The following FAF1 variants were observed in gnomAD, a reference collection of about 807,000 sequenced individuals.
The protein encoded by FAF1 is FAS-associated factor 1.
A neutral mutation model predicts 92.5 loss-of-function variants in FAF1; 25 were observed. The ratio of observed to expected loss-of-function variants is 0.27; its 90% CI spans 0.20 to 0.38. The LOEUF (loss-of-function observed/expected upper bound fraction) is 0.38, where lower values mean the gene tolerates loss of function less well. Ranked by LOEUF, FAF1 falls within the 10% of genes least tolerant of loss-of-function variation. The pLI is 1.00. For missense variants in FAF1, 636 were observed against 793.3 expected, an observed-to-expected ratio of 0.80 and a Z score of 2.38; for synonymous variants, 234 against 273.2, an observed-to-expected ratio of 0.86 and a Z score of 1.42.
Position 50,568,547 on chromosome 1 carries a change from C to T in FAF1, c.1114-1316G>A, listed in dbSNP as rs1039094648. ...AGGTAGATTAAGATTCTAAAAGCAT[C>T]TACTATGAATAGGAGACACTGTTAC... On this transcript the variant is annotated intron_variant, in intron 12 of 18. Transcript: ENST00000396153. Among the ~76,000 whole-genome samples the T allele has an allele frequency of 4.6e-5, 7 of 152,100 alleles. 1 individual carries two copies. In the East Asian group the frequency reaches 1.3e-3, roughly 29 times the overall value.
chr1:50,831,451 T>C (rs939096322), intron 2 of FAF1, among the ~76,000 whole-genome samples: 1 of 152,180 alleles, frequency 6.6e-6, no homozygotes, highest in African/African-American at 2.4e-5. Context: ...GATACTGGTG[T>C]CTACATCTGC....
At chr1:50,459,287 T>C (rs1196437126) in intron 18 of FAF1, among the ~76,000 whole-genome samples, 1 of 152,106 alleles carries the variant, frequency 6.6e-6, no homozygotes, top group Non-Finnish European at 1.5e-5. Flanking sequence ...AACTCAGTCT[T>C]TTAACTACTA....
intron 1 of FAF1, among the ~76,000 whole-genome samples, chr1:50,933,165 C>T (rs910972283): frequency 5.9e-5 from 9 of 152,180 alleles, no homozygotes; most frequent in Non-Finnish European, 1.2e-4. Flanking sequence ...CTCCTTGCTA[C>T]TTATGCAAAT....
chr1:50,884,334 C>T (rs1644638968), intron 1 of FAF1, among the ~76,000 whole-genome samples: 1 of 150,616 alleles, frequency 6.6e-6, no homozygotes, highest in Non-Finnish European at 1.5e-5. Flanking sequence ...GGCCAACAGG[C>T]GAAACCCTGC....
At chr1:50,925,034 C>T (rs375844089) in intron 1 of FAF1, among the ~76,000 whole-genome samples, 1 of 152,092 alleles carries the variant, frequency 6.6e-6, no homozygotes, top group Non-Finnish European at 1.5e-5. Flanking sequence ...AACAGAGAAC[C>T]TTGAAATTAA....
chr1:50,567,750 T>A (rs1246535102), intron 12 of FAF1, among the ~76,000 whole-genome samples: 1 of 152,114 alleles, frequency 6.6e-6, no homozygotes, highest in Non-Finnish European at 1.5e-5. Context: ...CTATAGATAA[T>A]TTTAAAGTCC....
intron 1 of FAF1, among the ~76,000 whole-genome samples, chr1:50,948,461 T>C (rs933720584): frequency 3.3e-5 from 5 of 151,968 alleles, no homozygotes; most frequent in African/African-American, 9.7e-5. Context: ...GACTATCACA[T>C]GGCAAGAGAG....
At chr1:50,497,507 T>C (rs1646913069) in intron 15 of FAF1, among the ~76,000 whole-genome samples, 2 of 149,658 alleles carry the variant, frequency 1.3e-5, no homozygotes, top group African/African-American at 4.9e-5. Flanking sequence ...GGGAGCTTCA[T>C]AGGTAAATTA....
At chr1:50,680,271 C>T (rs1656360440) in intron 7 of FAF1, among the ~76,000 whole-genome samples, 1 of 152,058 alleles carries the variant, frequency 6.6e-6, no homozygotes, top group Non-Finnish European at 1.5e-5. Context: ...CCCTGCTATA[C>T]CTTAAATAAG....
At chr1:50,595,171 T>C (rs1220312966) in intron 9 of FAF1, among the ~76,000 whole-genome samples, 1 of 151,832 alleles carries the variant, frequency 6.6e-6, no homozygotes, top group Non-Finnish European at 1.5e-5. Flanking sequence ...TCTCCTGCCT[T>C]AGCCTCCTGC....
intron 15 of FAF1, among the ~76,000 whole-genome samples, chr1:50,497,139 A>T (rs1572785884): frequency 6.6e-6 from 1 of 152,114 alleles, no homozygotes; most frequent in East Asian, 1.9e-4. Context: ...TTAATAATAA[A>T]AAAAAATCTG....
intron 15 of FAF1, among the ~76,000 whole-genome samples, chr1:50,501,486 C>G (rs570021221): frequency 1.3e-5 from 2 of 152,052 alleles, no homozygotes; most frequent in African/African-American, 4.8e-5. Flanking sequence ...ATGGTGAAAC[C>G]CTGTCTCTAC....
chr1:50,951,034 C>T (rs774783593), intron 1 of FAF1, among the ~76,000 whole-genome samples: 4 of 152,176 alleles, frequency 2.6e-5, no homozygotes, highest in Non-Finnish European at 2.9e-5. Context: ...AGTTCGAGAC[C>T]AGACTGGCCA....
chr1:50,949,907 G>C (rs1645201028), intron 1 of FAF1, among the ~76,000 whole-genome samples: 1 of 151,910 alleles, frequency 6.6e-6, no homozygotes, highest in Non-Finnish European at 1.5e-5. Context: ...ACCCACCCAG[G>C]CTGGTGTGCA....
chr1:50,602,022 A>C (rs573321090), intron 8 of FAF1, among the ~76,000 whole-genome samples: 54 of 152,210 alleles, frequency 3.5e-4, no homozygotes, highest in Non-Finnish European at 6.3e-4. Context: ...CGACCAACTA[A>C]ATGGCCTCTC....
intron 7 of FAF1, among the ~76,000 whole-genome samples, chr1:50,694,792 CAAAAAA>C (rs371721063): frequency 1.6e-4 from 9 of 55,810 alleles, no homozygotes; most frequent in Middle Eastern, 9.6e-3. Flanking sequence ...CTAAAAAATA[CAAAAAA>C]AAAAAAAAAA....
At chr1:50,758,012 C>G (rs1480889646) in intron 4 of FAF1, among the ~76,000 whole-genome samples, 1 of 152,088 alleles carries the variant, frequency 6.6e-6, no homozygotes, top group Non-Finnish European at 1.5e-5. Context: ...CTGCCTCTGA[C>G]ATTCAACTGA....
At position 50,556,110 on chromosome 1, in the gene FAF1, C is replaced by T. The variant is rs375107904; in HGVS notation, c.1268+10967G>A. Among the ~76,000 whole-genome samples, 16 of 151,652 alleles carry T rather than the reference C, an allele frequency of 1.1e-4. No homozygotes were observed. The South Asian group carries it at 2.7e-3, about 26-fold the overall frequency. ...AAAATTAGCTGGGCTTGGTGGCGGG[C>T]GCCTGTAGTCCCAGCTACTCGGGAG... On this transcript the variant is annotated intron_variant, in intron 13 of 18. Coordinates refer to ENST00000396153, the MANE Select transcript of FAF1 (RefSeq NM_007051.3).
rs139497033 is a variant in FAF1, at chr1:50,936,816, G to A, written c.45+22951C>T. Among the ~76,000 whole-genome samples the A allele has an allele frequency of 2.0e-3, 310 of 152,028 alleles. 2 individuals are homozygous for A. The highest frequency in any genetic ancestry group is 6.9e-3 in the African/African-American group (286 of 41,464). On this transcript the variant is annotated intron_variant, in intron 1 of 18. Transcript: ENST00000396153. ...AATGCTGAAGAGAAGAAATATGAGG[G>A]GAAGGAGAGAGAAACATGGAATCAT...
Sources: gnomAD v4.1 joint callset for allele counts (sites outside exome capture counted in the v4.1 genomes callset) on GRCh38, gnomAD v4.1.1 for gene constraint, MANE v1.5 for transcripts, NCBI Gene and HGNC (gene_info 2026-07-23, HGNC 2026-07-21) for gene names.